The following MIER1 variants were observed in gnomAD, a reference collection of about 807,000 sequenced individuals.
MIER1 encodes mesoderm induction early response protein 1.
Under a neutral mutation model 75.7 loss-of-function variants are expected in MIER1, and 40 were observed. The observed-to-expected ratio is 0.53, with a 90% CI of 0.41 to 0.69. The LOEUF (loss-of-function observed/expected upper bound fraction) is 0.69. Among genes scored for constraint, MIER1 ranks in the 30% least tolerant of loss-of-function variants. The pLI is 0.00. For missense variants in MIER1, 574 were observed against 680.2 expected (o/e 0.84, Z 1.74); for synonymous variants, 213 against 223.4 (o/e 0.95, Z 0.42).
chr1:66,938,698 T>A lies in MIER1; in HGVS notation c.169-1330T>A, dbSNP rs555321140. Among the ~76,000 whole-genome samples the A allele has an allele frequency of 9.1e-4, 138 of 152,272 alleles. 2 individuals are homozygous for A. The South Asian group carries it at 0.025, about 28-fold the overall frequency. On this transcript the variant is annotated intron_variant, in intron 2 of 13. Coordinates refer to ENST00000401041, the MANE Select transcript of MIER1 (RefSeq NM_001077700.3). ...GGAATGAGATTTAAAAGTAGCACTG[T>A]ATTGACTGTGTTCTGGCAGAGTAAC...
chr1:66,947,532 T>A (rs1311955897), intron 4 of MIER1: 1 of 152,200 alleles, frequency 6.6e-6, no homozygotes, highest in African/African-American at 2.4e-5. Flanking sequence ...TCCACAAGAA[T>A]ATCCCTTAGC....
intron 4 of MIER1, among the ~76,000 whole-genome samples, chr1:66,951,518 G>A (rs1424800335): frequency 6.6e-6 from 1 of 151,906 alleles, no homozygotes; most frequent in African/African-American, 2.4e-5. Context: ...TTTTGTTACA[G>A]TGTAAGACAA....
At position 66,945,633 on chromosome 1, in the gene MIER1, A is replaced by T. The variant is rs114647350; in HGVS notation, c.194-517A>T. ...TCCCAGGACTTTGGGACGCCAAGGC[A>T]GGATGATTGCTTGAGCCTGGGAGTT... On this transcript the variant is annotated intron_variant, in intron 3 of 13. Transcript: ENST00000401041. Among the ~76,000 whole-genome samples, 362 of 152,288 alleles carry T rather than the reference A, an allele frequency of 2.4e-3. 2 individuals carry two copies. The highest frequency in any genetic ancestry group is 7.9e-3 in the African/African-American group (327 of 41,558).
intron 12 of MIER1, among the ~76,000 whole-genome samples, chr1:66,978,849 G>C (rs1353664669): frequency 1.3e-5 from 2 of 152,140 alleles, no homozygotes; most frequent in Non-Finnish European, 2.9e-5. Flanking sequence ...GTAGGGATGT[G>C]CCACCAAATG....
intron 12 of MIER1, among the ~76,000 whole-genome samples, chr1:66,977,714 T>C (rs1665005644): frequency 1.3e-5 from 2 of 152,198 alleles, no homozygotes; most frequent in African/African-American, 4.8e-5. Context: ...CCCTTGTCTT[T>C]CATGAATTGC....
At chr1:66,941,154 C>CT (rs1213660369) in intron 3 of MIER1, among the ~76,000 whole-genome samples, 1 of 152,182 alleles carries the variant, frequency 6.6e-6, no homozygotes, top group Non-Finnish European at 1.5e-5. Context: ...TCACTGGACT[C>CT]TGAGGGTTGG....
At chr1:66,926,297 T>A in intron 2 of MIER1, 55 bp downstream of exon 2, 1 of 1,295,072 alleles carries the variant, frequency 7.7e-7, no homozygotes, top group Non-Finnish European at 1.1e-6. Context: ...CTCCCTCAAG[T>A]AATATAAGAT....
chr1:66,981,061 C>T (rs912103386), intron 12 of MIER1, among the ~76,000 whole-genome samples: 1 of 147,880 alleles, frequency 6.8e-6, no homozygotes, highest in East Asian at 1.9e-4. Context: ...TTTTTATGTA[C>T]ATATATAATA....
At chr1:66,948,004 TTTTTA>T in intron 4 of MIER1, 1 of 983,816 alleles carries the variant, frequency 1.0e-6, no homozygotes, top group Non-Finnish European at 1.2e-6. Context: ...TTTTGTTTTA[TTTTTA>T]TTTTTTTTTA....
At chr1:66,946,538 A>T (rs1570240199) in intron 4 of MIER1, 1 of 1,163,566 alleles carries the variant, frequency 8.6e-7, no homozygotes, top group East Asian at 4.6e-5. Flanking sequence ...CTGTTAAATG[A>T]TTCTGCTATA....
intron 2 of MIER1, among the ~76,000 whole-genome samples, chr1:66,926,921 G>GTA (rs370444062): frequency 9.9e-5 from 15 of 151,696 alleles, no homozygotes; most frequent in African/African-American, 1.9e-4. Context: ...GGTTTATATA[G>GTA]TATATATATA....
intron 1 of MIER1, 95 bp from the exon 2 acceptor site, chr1:66,926,047 G>A: frequency 5.4e-6 from 5 of 933,800 alleles, no homozygotes; most frequent in East Asian, 2.6e-5. Flanking sequence ...CCTGATTCCC[G>A]ACCATCTTTT....
chr1:66,972,245 TATATATATATATATATAG>T (rs201305228), intron 10 of MIER1, among the ~76,000 whole-genome samples: 836 of 73,066 alleles, frequency 0.011, 9 homozygotes, highest in African/African-American at 0.063. Flanking sequence ...CATATATATA[TATATATATATATATATAG>T]ATATGTAACA....
chr1:66,971,453 T>C (rs931723658), intron 9 of MIER1, among the ~76,000 whole-genome samples: 4 of 152,094 alleles, frequency 2.6e-5, no homozygotes, highest in African/African-American at 9.7e-5. Context: ...CATATCCTAC[T>C]TTGTACATAT....
intron 7 of MIER1, 106 bp from the exon 8 acceptor site, chr1:66,962,982 T>C: frequency 2.8e-6 from 2 of 722,574 alleles, no homozygotes; most frequent in Admixed American, 5.3e-5. Flanking sequence ...TTTTTGTATT[T>C]TATGACAGAG....
Position 66,986,067 on chromosome 1 carries a change from A to G in MIER1, c.*1167A>G, listed in dbSNP as rs1666743644. On this transcript the variant is annotated 3_prime_UTR_variant, in exon 14 of 14. Transcript: ENST00000401041. ...TTAAATAAACAGAGGAGGGGGGTCA[A>G]GTGATACTTAGATATTGGCACACAC... 3.9e-6 allele frequency: 4 copies of G among 1,025,246 alleles called. No individual in the cohort carries two copies. The highest frequency in any genetic ancestry group is 4.1e-5 in the South Asian group (1 of 24,128). The allele number at this position is 1,025,246 out of a possible 1,614,324, so 63.5% of individuals were successfully genotyped here.
chr1:66,968,468 C>T (rs1662872655), intron 8 of MIER1, among the ~76,000 whole-genome samples: 1 of 151,912 alleles, frequency 6.6e-6, no homozygotes, highest in African/African-American at 2.4e-5. Flanking sequence ...CTAAGATATC[C>T]TGATATCTTT....
At chr1:66,927,100 TTG>T (rs1652005795) in intron 2 of MIER1, among the ~76,000 whole-genome samples, 1 of 152,144 alleles carries the variant, frequency 6.6e-6, no homozygotes, top group African/African-American at 2.4e-5. Flanking sequence ...ACTGAGGGGT[TTG>T]TGTGTGCGTG....
At position 66,985,056 on chromosome 1, in the gene MIER1, T is replaced by C; in HGVS notation, c.*156T>C. 1 of 1,362,634 alleles carries C rather than the reference T, an allele frequency of 7.3e-7. No individual in the cohort carries two copies. The highest frequency in any genetic ancestry group is 9.5e-7 in the Non-Finnish European group (1 of 1,057,684). 84.4% of individuals were successfully genotyped at this position (1,362,634 alleles called of 1,614,324 possible). ...AAATGAGGTTTCATAATTCTGCCTT[T>C]TGCAGATTTTTTTACTTTAAAGCTG... is the stretch of plus-strand genomic sequence containing the variant. On this transcript the variant is annotated 3_prime_UTR_variant, in exon 14 of 14. Transcript: ENST00000401041.
Sources: allele counts gnomAD v4.1 joint callset (sites outside exome capture counted in the v4.1 genomes callset), GRCh38; gene constraint gnomAD v4.1.1; transcripts MANE v1.5; gene names NCBI Gene and HGNC (gene_info 2026-07-23, HGNC 2026-07-21).